The following GRIK4 variants were observed in gnomAD, a reference collection of about 807,000 sequenced individuals.
The protein encoded by GRIK4 is glutamate receptor ionotropic, kainate 4.
A neutral mutation model predicts 104.9 loss-of-function variants in GRIK4; 40 were observed. That is an observed-to-expected ratio of 0.38 (90% CI 0.30 to 0.50). The LOEUF is 0.50. GRIK4 is among the 20% of genes least tolerant of loss of function. GRIK4 has a pLI of 0.93. For synonymous variants in GRIK4, 485 were observed against 524.9 expected (o/e 0.92, Z 1.04); for missense variants, 1,047 against 1,308.1 (o/e 0.80, Z 3.08).
intron 1 of GRIK4, among the ~76,000 whole-genome samples, chr11:120,534,849 C>G (rs1165497554): frequency 1.3e-5 from 2 of 152,246 alleles, no homozygotes; most frequent in African/African-American, 4.8e-5. Flanking sequence ...GGAGCACTTC[C>G]CAATGGGGGA....
At chr11:120,972,634 G>C (rs1944493704) in intron 19 of GRIK4, among the ~76,000 whole-genome samples, 1 of 152,172 alleles carries the variant, frequency 6.6e-6, no homozygotes, top group South Asian at 2.1e-4. Context: ...TTAAAATGTG[G>C]TTGGTCCCTG....
chr11:120,532,511 T>C (rs966685906), intron 1 of GRIK4, among the ~76,000 whole-genome samples: 6 of 152,236 alleles, frequency 3.9e-5, no homozygotes, highest in African/African-American at 1.4e-4. Context: ...ATTGATTGCC[T>C]GTCAGAGGTT....
At chr11:120,921,959 G>A (rs2134570906) in intron 13 of GRIK4, among the ~76,000 whole-genome samples, 1 of 152,264 alleles carries the variant, frequency 6.6e-6, no homozygotes, top group African/African-American at 2.4e-5. Context: ...CCTGAAGTAT[G>A]TGTGTTGGTG....
intron 3 of GRIK4, among the ~76,000 whole-genome samples, chr11:120,678,520 G>A (rs942946874): frequency 3.3e-5 from 5 of 152,108 alleles, no homozygotes; most frequent in South Asian, 2.1e-4. Context: ...TAAGTGTACC[G>A]GGTGCTTCTC....
chr11:120,613,149 C>G (rs11603831), intron 1 of GRIK4, among the ~76,000 whole-genome samples: 1 of 151,978 alleles, frequency 6.6e-6, no homozygotes, highest in Non-Finnish European at 1.5e-5. Context: ...AGCTCGGGTT[C>G]TGGAGTTGGA....
At chr11:120,855,953 G>A (rs1208134893) in intron 8 of GRIK4, among the ~76,000 whole-genome samples, 3 of 152,220 alleles carry the variant, frequency 2.0e-5, no homozygotes, top group Non-Finnish European at 2.9e-5. Context: ...AGAGGAAGGC[G>A]AAGCCTCCAG....
intron 3 of GRIK4, among the ~76,000 whole-genome samples, chr11:120,747,631 G>T (rs1001519227): frequency 6.6e-6 from 1 of 152,332 alleles, no homozygotes; most frequent in African/African-American, 2.4e-5. Flanking sequence ...AGAAGAGGCT[G>T]CCAGGGTTCC....
intron 13 of GRIK4, among the ~76,000 whole-genome samples, chr11:120,906,509 C>G (rs541930563): frequency 6.6e-6 from 1 of 152,198 alleles, no homozygotes; most frequent in Non-Finnish European, 1.5e-5. Context: ...AGTGACTTGT[C>G]GGGAGCTATA....
chr11:120,692,954 A>G (rs1189113986), intron 3 of GRIK4, among the ~76,000 whole-genome samples: 1 of 151,088 alleles, frequency 6.6e-6, no homozygotes, highest in East Asian at 2.0e-4. Context: ...CTGGTCTTGA[A>G]CTCTGGATCT....
rs528271645 is a variant in GRIK4 at position 120,591,664 on chromosome 11, A to G, written c.-158-62021A>G. 2.0e-3 allele frequency among the ~76,000 whole-genome samples: 299 copies of G among 152,198 alleles called. 1 individual carries two copies. Among genetic ancestry groups the G allele is most frequent in the African/African-American group, 6.9e-3 (288 of 41,534 alleles). On this transcript the variant is annotated intron_variant, in intron 1 of 20. Transcript: ENST00000527524. ...TTCCCCTAGTCAGTACTAGGGATGAATGTACCCAGCTTTTTCCTCTGTCTC... is the reference window on the plus strand; with the variant it reads ...TTCCCCTAGTCAGTACTAGGGATGAGTGTACCCAGCTTTTTCCTCTGTCTC...
chr11:120,820,594 A>T (rs1953094557), intron 6 of GRIK4, among the ~76,000 whole-genome samples: 1 of 152,202 alleles, frequency 6.6e-6, no homozygotes, highest in Admixed American at 6.5e-5. Flanking sequence ...GTGCACCCAC[A>T]TGTGGTCAAA....
chr11:120,611,304 C>T (rs2135147936), intron 1 of GRIK4, among the ~76,000 whole-genome samples: 1 of 152,260 alleles, frequency 6.6e-6, no homozygotes, highest in South Asian at 2.1e-4. Context: ...GGTTTCATCT[C>T]TTCGGGCCTT....
chr11:120,555,986 G>A lies in GRIK4; in HGVS notation c.-159+44099G>A, dbSNP rs189644481. Among the ~76,000 whole-genome samples, 6 of 152,306 alleles carry A rather than the reference G, an allele frequency of 3.9e-5. No individual in the cohort carries two copies. Among genetic ancestry groups the A allele is most frequent in the Admixed American group, 3.9e-4 (6 of 15,294 alleles). Reference sequence around the variant, plus strand: ...TTACATGTTAGACTGTCGGCTACTTGAAACCAGTTCTTCTCATGGAAATGC... The same window carrying A: ...TTACATGTTAGACTGTCGGCTACTTAAAACCAGTTCTTCTCATGGAAATGC... On this transcript the variant is annotated intron_variant, in intron 1 of 20. Coordinates refer to ENST00000527524, the MANE Select transcript of GRIK4 (RefSeq NM_014619.5). This position sits in a 1 kb window ranked among gnomAD's most constrained non-coding sequence, Gnocchi z 5.3.
At chr11:120,686,050 C>T (rs1950272013) in intron 3 of GRIK4, among the ~76,000 whole-genome samples, 1 of 151,966 alleles carries the variant, frequency 6.6e-6, no homozygotes, top group South Asian at 2.1e-4. Context: ...TCTCAGTATA[C>T]CTTTAAAGTG....
chr11:120,868,889 G>A (rs2135661534), intron 9 of GRIK4: 1 of 152,364 alleles, frequency 6.6e-6, no homozygotes, highest in African/African-American at 2.4e-5. Flanking sequence ...TGTCCGGCCA[G>A]GAGGGCTTTT....
intron 8 of GRIK4, among the ~76,000 whole-genome samples, chr11:120,857,000 C>G (rs977468560): frequency 2.6e-5 from 4 of 152,174 alleles, no homozygotes; most frequent in African/African-American, 9.7e-5. Context: ...CCTTATCCCT[C>G]CATGTTCCCA....
At chr11:120,732,455 A>G (rs1951151726) in intron 3 of GRIK4, among the ~76,000 whole-genome samples, 1 of 152,180 alleles carries the variant, frequency 6.6e-6, no homozygotes, top group South Asian at 2.1e-4. Flanking sequence ...TTTAGGATGC[A>G]TCATTAGGTT....
At chr11:120,697,292 T>C (rs568903995) in intron 3 of GRIK4, among the ~76,000 whole-genome samples, 1 of 152,270 alleles carries the variant, frequency 6.6e-6, no homozygotes, top group South Asian at 2.1e-4. Context: ...GCCCCCTGTG[T>C]TGGAAGTGAG....
At chr11:120,656,579 G>A (rs1173090903) in intron 2 of GRIK4, among the ~76,000 whole-genome samples, 1 of 152,110 alleles carries the variant, frequency 6.6e-6, no homozygotes, top group Non-Finnish European at 1.5e-5. Flanking sequence ...ATGTAGTCTC[G>A]GCTGGGTGCA....
Sources: gnomAD v4.1 joint callset for allele counts (sites outside exome capture counted in the v4.1 genomes callset) on GRCh38, gnomAD v4.1.1 for gene constraint, Gnocchi (gnomAD v3.1) non-coding constraint, MANE v1.5 for transcripts, NCBI Gene and HGNC (gene_info 2026-07-23, HGNC 2026-07-21) for gene names.